The following STAB1 variants were observed in gnomAD, a reference collection of about 807,000 sequenced individuals.
STAB1 encodes stabilin-1.
STAB1 carries 250 observed loss-of-function variants against 332.4 expected under a neutral mutation model. That is an observed-to-expected ratio of 0.75 (90% CI 0.68 to 0.84). STAB1 has a LOEUF of 0.84. STAB1 is among the 40% of genes least tolerant of loss of function. STAB1 has a pLI of 0.00. For missense variants in STAB1, 3,249 were observed against 3,489.7 expected (o/e 0.93, Z 1.74); for synonymous variants, 1,475 against 1,390.4 (o/e 1.06, Z -1.35).
At position 52,502,666 on chromosome 3, in the gene STAB1, G is replaced by A; in HGVS notation, c.522G>A (p.Gly174=). The A allele has an allele frequency of 6.2e-7, 1 of 1,613,816 alleles. No homozygotes were observed. Among genetic ancestry groups the A allele is most frequent in the Non-Finnish European group, 8.5e-7 (1 of 1,179,910 alleles). The part of the protein sequence containing the change: ...CSCVHGVCNH[G]PRGDGSCLCF... ...GTGTGCACGGAGTGTGCAACCATGGGCCACGTGGGGATGGAAGCTGCCTGT... is the reference window on the plus strand; with the variant it reads ...GTGTGCACGGAGTGTGCAACCATGGACCACGTGGGGATGGAAGCTGCCTGT... The change falls in exon 6 of 69, where the codon GGG becomes GGA. Residue 174 remains glycine, a synonymous_variant. Transcript: ENST00000321725.
Position 52,520,887 on chromosome 3 carries a change from G to T in STAB1, c.5790G>T (p.Trp1930Cys). 1 of 1,611,690 alleles carries T rather than the reference G, an allele frequency of 6.2e-7. No individual in the cohort carries two copies. The highest frequency in any genetic ancestry group is 8.5e-7 in the Non-Finnish European group (1 of 1,179,470). Residue 1930 changes from tryptophan (W) to cysteine (C), a missense_variant, in exon 55 of 69, where the codon TGG (tryptophan) becomes TGT (cysteine). Physicochemically the swap from Trp to Cys is radical, Grantham distance 215. Transcript: ENST00000321725. ...ACTCTTTGGGATTACGCAGCGTCTG[G>T]GTCCACCCCAGCCTTTGGGGTAGGC... is the stretch of plus-strand genomic sequence containing the variant. ...PLHSLGLRSV[W>C]VHPSLWGRPQ...
intron 1 of STAB1, among the ~76,000 whole-genome samples, chr3:52,500,462 T>C (rs1329192422): frequency 6.6e-6 from 1 of 152,206 alleles, no homozygotes; most frequent in Non-Finnish European, 1.5e-5. Context: ...GAGCCCAGCC[T>C]CTCAGGGCCA....
chr3:52,503,352 C>T lies in STAB1; in HGVS notation c.703C>T (p.Pro235Ser). 1 of 1,609,708 alleles carries T rather than the reference C, an allele frequency of 6.2e-7. No individual in the cohort carries two copies. The highest frequency in any genetic ancestry group is 8.5e-7 in the Non-Finnish European group (1 of 1,177,498). ...TCTCTCTGCCCTGGCAGCCCCCAAC[C>T]CCTGCTGGCCATCACCCTGCTCACT... is the stretch of plus-strand genomic sequence containing the variant. ...QQGSECRAPN[P>S]CWPSPCSLLA... The change falls in exon 8 of 69, where the codon CCC (proline) becomes TCC (serine). Residue 235 changes from proline to serine, a missense_variant. By Grantham distance (74) the Pro-to-Ser change is moderately conservative. Transcript: ENST00000321725.
At chr3:52,506,011 GC>G (rs1385341462) in intron 16 of STAB1, 75 bp downstream of exon 16, 2 of 1,578,938 alleles carry the variant, frequency 1.3e-6, no homozygotes, top group African/African-American at 2.7e-5. Context: ...CTTCCCCAAG[GC>G]CCCATCTCTT....
intron 1 of STAB1, among the ~76,000 whole-genome samples, chr3:52,498,215 A>G (rs950265994): frequency 1.3e-5 from 2 of 152,220 alleles, no homozygotes; most frequent in East Asian, 1.9e-4. Flanking sequence ...AACTTCCCCC[A>G]GCAGCAGCTC....
At position 52,523,770 on chromosome 3, in the gene STAB1, G is replaced by A. The variant is rs776439462; in HGVS notation, c.7395+14G>A. The A allele has an allele frequency of 1.3e-4, 212 of 1,593,852 alleles. No homozygotes were observed. Among genetic ancestry groups the A allele is most frequent in the Non-Finnish European group, 1.1e-4 (134 of 1,165,460 alleles). ...CCCCCACAGCCCGTGAGTTGAGGAA[G>A]GGGGAGGCAGAGCCCTTCCTGGCAC... On this transcript the variant is annotated intron_variant, in intron 66 of 68. Coordinates refer to ENST00000321725, the MANE Select transcript of STAB1 (RefSeq NM_015136.3).
chr3:52,522,210 A>G lies in STAB1; in HGVS notation c.6445A>G (p.Asn2149Asp). The G allele has an allele frequency of 6.2e-7, 1 of 1,612,634 alleles. No individual in the cohort carries two copies. The highest frequency in any genetic ancestry group is 8.5e-7 in the Non-Finnish European group (1 of 1,179,914). Reference sequence around the variant, plus strand: ...CCGCGGGGGCTGCAGCGAGCACGCCAACTGCTTGAGCACCGGCCTGGTGAG... The same window carrying G: ...CCGCGGGGGCTGCAGCGAGCACGCCGACTGCTTGAGCACCGGCCTGGTGAG... ...GHRGGCSEHA[N>D]CLSTGLNTRR... The change falls in exon 59 of 69, where the codon AAC becomes GAC. Residue 2149 changes from asparagine (N) to aspartate (D), a missense_variant. Transcript: ENST00000321725.
rs1003862446 is a variant in STAB1 at position 52,515,345 on chromosome 3, A to G, written c.3865-78A>G. 3.6e-6 allele frequency: 5 copies of G among 1,388,548 alleles called. No individual in the cohort carries two copies. The African/African-American group carries it at 5.7e-5, about 16-fold the overall frequency. 86.0% of individuals were successfully genotyped at this position (1,388,548 alleles called of 1,614,324 possible). ...CTCAGCTGCCTGACACCTGTAGTCC[A>G]TCTGTCTGTCTCCCCATTCACTGCC... On this transcript the variant is annotated intron_variant, in intron 36 of 68. Transcript: ENST00000321725.
intron 10 of STAB1, 21 bp from the exon 11 acceptor site, chr3:52,504,440 C>T: frequency 6.2e-7 from 1 of 1,613,010 alleles, no homozygotes; most frequent in Non-Finnish European, 8.5e-7. Context: ...CCTTCTGATG[C>T]TCCCTCACCC....
At chr3:52,517,441 G>A in intron 43 of STAB1, 48 bp downstream of exon 43, 1 of 1,576,740 alleles carries the variant, frequency 6.3e-7, no homozygotes, top group Non-Finnish European at 8.6e-7. Context: ...TGCCCTCACA[G>A]GATGGGGCCT....
At position 52,495,495 on chromosome 3, in the gene STAB1, A is replaced by G. The variant is rs766735632; in HGVS notation, c.78+4A>G. 4 of 1,330,688 alleles carry G rather than the reference A, an allele frequency of 3.0e-6. No individual in the cohort carries two copies. Among genetic ancestry groups the G allele is most frequent in the Non-Finnish European group, 1.9e-6 (2 of 1,032,636 alleles). The allele number at this position is 1,330,688 out of a possible 1,614,324, so 82.4% of individuals were successfully genotyped here. A position where few individuals can be genotyped will look rare whatever the true frequency, so the allele number is the denominator to read the frequency against. ...CTTCAGCTTCGTCAGGGGGCAGGTA[A>G]GTGTGAGCCAGTCGCAGGGGCACAC... On this transcript the variant is annotated splice_donor_region_variant and intron_variant, in intron 1 of 68. Coordinates refer to ENST00000321725, the MANE Select transcript of STAB1 (RefSeq NM_015136.3).
Position 52,516,706 on chromosome 3 carries a change from C to T in STAB1, c.4301C>T (p.Ser1434Leu), listed in dbSNP as rs144486006. Residue 1434 changes from serine (S) to leucine (L), a missense_variant, in exon 41 of 69, where the codon TCG becomes TTG. Ser to Leu is a moderately radical substitution (Grantham distance 145). Transcript: ENST00000321725. ...CDPNANCVQD[S>L]AGASTCACAA... ...ACCCCTCCCAGCTGCGTGCAGGACT[C>T]GGCCGGAGCCTCCACCTGCGCCTGT... is the stretch of plus-strand genomic sequence containing the variant. 2.6e-4 allele frequency: 415 copies of T among 1,612,268 alleles called. 1 individual carries two copies. The African/African-American group carries it at 3.8e-3, about 15-fold the overall frequency.
intron 30 of STAB1, 72 bp from the exon 31 acceptor site, chr3:52,513,645 C>T: frequency 1.3e-6 from 2 of 1,485,838 alleles, no homozygotes; most frequent in Non-Finnish European, 1.8e-6. Flanking sequence ...GGCAGTCTCT[C>T]TGTTGGGGCT....
Position 52,504,721 on chromosome 3 carries a change from C to T in STAB1, c.1240-18C>T. Reference sequence around the variant, plus strand: ...ACTGGCCCCCCGGCTCACTTTGCTCCCCGCCTTGCGTCTGCAGGCATCCCT... The same window carrying T: ...ACTGGCCCCCCGGCTCACTTTGCTCTCCGCCTTGCGTCTGCAGGCATCCCT... On this transcript the variant is annotated intron_variant, in intron 11 of 68. Coordinates refer to ENST00000321725, the MANE Select transcript of STAB1 (RefSeq NM_015136.3). 4.3e-6 allele frequency: 7 copies of T among 1,613,576 alleles called. No homozygotes were observed. Among genetic ancestry groups the T allele is most frequent in the Non-Finnish European group, 4.2e-6 (5 of 1,180,002 alleles).
Position 52,509,924 on chromosome 3 carries a change from G to T in STAB1, c.2402G>T (p.Cys801Phe). 1 of 1,613,070 alleles carries T rather than the reference G, an allele frequency of 6.2e-7. No individual in the cohort carries two copies. Among genetic ancestry groups the T allele is most frequent in the Non-Finnish European group, 8.5e-7 (1 of 1,180,026 alleles). The change falls in exon 23 of 69, where the codon TGC (cysteine) becomes TTC (phenylalanine). Residue 801 changes from cysteine to phenylalanine, a missense_variant. By Grantham distance (205) the Cys-to-Phe change is radical. Transcript: ENST00000321725. Reference protein sequence around the residue: ...CDNRPGSGGVCQQGTCAPGFS... With the variant: ...CDNRPGSGGVFQQGTCAPGFS... ...AACCGCCCAGGCAGTGGGGGGGTGT[G>T]CCAGCAGGGCACGTGTGCCCCTGGC... is the stretch of plus-strand genomic sequence containing the variant.
chr3:52,521,358 C>A lies in STAB1; in HGVS notation c.5909-3C>A. ...CACCTCACTTCTCCTACCCCATCCC[C>A]AGCTTGCCCTGGCGGCCCCAGCAGC... is the stretch of plus-strand genomic sequence containing the variant. On this transcript the variant is annotated splice_polypyrimidine_tract_variant and splice_region_variant and intron_variant, in intron 55 of 68. Coordinates refer to ENST00000321725, the MANE Select transcript of STAB1 (RefSeq NM_015136.3). 1 of 1,613,858 alleles carries A rather than the reference C, an allele frequency of 6.2e-7. No homozygotes were observed. The highest frequency in any genetic ancestry group is 8.5e-7 in the Non-Finnish European group (1 of 1,180,010).
chr3:52,517,262 G>A, intron 42 of STAB1, 58 bp from the exon 43 acceptor site: 1 of 1,492,204 alleles, frequency 6.7e-7, no homozygotes, highest in South Asian at 1.3e-5. Context: ...AGGTACAAAG[G>A]ACAGAGGAAG....
chr3:52,512,997 T>C (rs1177280558), intron 29 of STAB1, 39 bp downstream of exon 29: 3 of 1,598,144 alleles, frequency 1.9e-6, no homozygotes, highest in South Asian at 1.1e-5. Context: ...GGGGCTTCCT[T>C]GAGGGACCCA....
rs369425895 is a variant in STAB1 at position 52,503,069 on chromosome 3, G to A, written c.654G>A (p.Arg218=). The change falls in exon 7 of 69, where the codon AGG becomes AGA. Residue 218 remains arginine (R), a synonymous_variant. Coordinates refer to ENST00000321725, the MANE Select transcript of STAB1 (RefSeq NM_015136.3). The part of the protein sequence containing the change: ...TQCSAEAPSC[R]CLPGYTQQGS... ...GCTCCGCAGAGGCTCCCAGCTGCAG[G>A]TGCCTGCCCGGCTACACACAGCAGG... The A allele has an allele frequency of 4.5e-5, 72 of 1,601,866 alleles. No homozygotes were observed. The highest frequency in any genetic ancestry group is 2.9e-4 in the East Asian group (13 of 44,442).
Sources: allele counts gnomAD v4.1 joint callset (sites outside exome capture counted in the v4.1 genomes callset), GRCh38; gene constraint gnomAD v4.1.1; transcripts MANE v1.5; gene names NCBI Gene and HGNC (gene_info 2026-07-23, HGNC 2026-07-21).